Variants in MCPH1 observed in about 807,000 individuals in gnomAD.
The protein encoded by MCPH1 is microcephalin 1.
A neutral mutation model predicts 84.5 loss-of-function variants in MCPH1; 104 were observed. The ratio of observed to expected loss-of-function variants is 1.23; its 90% CI spans 1.05 to 1.45. The LOEUF is 1.45. MCPH1 is among the 40% of genes most tolerant of loss of function. The pLI, the probability that MCPH1 is intolerant of heterozygous loss-of-function variation, is 0.00. For synonymous variants in MCPH1, 514 were observed against 366.8 expected, an observed-to-expected ratio of 1.40 and a Z score of -4.58; for missense variants, 1,498 against 1,005.7, an observed-to-expected ratio of 1.49 and a Z score of -6.62.
chr8:6,419,388 T>G (rs1331627842), intron 3 of MCPH1, among the ~76,000 whole-genome samples: 1 of 14,678 alleles, frequency 6.8e-5, no homozygotes, highest in East Asian at 4.8e-3. Context: ...GCCCAGCCAT[T>G]AAAAAATTTT....
rs1818208709 is a variant in MCPH1 at position 6,525,751 on chromosome 8, T to G, written c.2214+25822T>G. On this transcript the variant is annotated intron_variant, in intron 12 of 13. Transcript: ENST00000344683. Reference sequence around the variant, plus strand: ...ATTTTCTTTTTTTATTATTTATAGCTGTTGATGAAAAAAACCTTTTTATTT... The same window carrying G: ...ATTTTCTTTTTTTATTATTTATAGCGGTTGATGAAAAAAACCTTTTTATTT... Among the ~76,000 whole-genome samples the G allele has an allele frequency of 1.3e-5, 2 of 152,342 alleles. 1 individual carries two copies. The highest frequency in any genetic ancestry group is 4.1e-4 in the South Asian group (2 of 4,822).
At chr8:6,554,774 G>A (rs1461212989) in intron 12 of MCPH1, among the ~76,000 whole-genome samples, 3 of 152,148 alleles carry the variant, frequency 2.0e-5, no homozygotes, top group Non-Finnish European at 1.5e-5. Context: ...AGAGTCCACA[G>A]GTTTCAATCA....
rs1338616276 is a variant in MCPH1 at position 6,644,211 on chromosome 8, A to T, written c.*1162A>T. 2 of 152,196 alleles carry T rather than the reference A, an allele frequency of 1.3e-5. No homozygotes were observed. Among genetic ancestry groups the T allele is most frequent in the Non-Finnish European group, 2.9e-5 (2 of 68,068 alleles). 9.4% of individuals were successfully genotyped at this position (152,196 alleles called of 1,614,324 possible). On this transcript the variant is annotated 3_prime_UTR_variant, in exon 14 of 14. Coordinates refer to ENST00000344683, the MANE Select transcript of MCPH1 (RefSeq NM_024596.5). ...GTTGCAGTGAGCCAAGGTTGCAGTG[A>T]ATCAAGATTGCTCCACTGCACTCCA...
chr8:6,503,532 C>T (rs528036235), intron 12 of MCPH1, among the ~76,000 whole-genome samples: 1 of 152,244 alleles, frequency 6.6e-6, no homozygotes, highest in East Asian at 1.9e-4. Context: ...TCTCCACAGT[C>T]CTATTTGGTA....
intron 9 of MCPH1, chr8:6,474,273 T>C (rs1808146906): frequency 7.4e-6 from 4 of 543,556 alleles, no homozygotes; most frequent in Non-Finnish European, 1.3e-5. Flanking sequence ...TTAATGTATT[T>C]CAATCCTGAT....
intron 9 of MCPH1, among the ~76,000 whole-genome samples, chr8:6,464,874 C>T (rs554594760): frequency 6.6e-6 from 1 of 152,134 alleles, no homozygotes; most frequent in African/African-American, 2.4e-5. Flanking sequence ...TGGTACACAC[C>T]TGTAGTCCCA....
intron 6 of MCPH1, among the ~76,000 whole-genome samples, chr8:6,439,362 T>C (rs1327078432): frequency 2.6e-5 from 2 of 75,808 alleles, no homozygotes; most frequent in Admixed American, 1.8e-4. Flanking sequence ...ATTTTTTCTT[T>C]CTTTTTTTTT....
chr8:6,617,214 G>T (rs1830881929), intron 12 of MCPH1: 1 of 142,700 alleles, frequency 7.0e-6, no homozygotes, highest in African/African-American at 2.7e-5. Flanking sequence ...TGAATACACT[G>T]TTGTTTATTT....
At chr8:6,546,424 A>G (rs1026287593) in intron 12 of MCPH1, among the ~76,000 whole-genome samples, 3 of 152,234 alleles carry the variant, frequency 2.0e-5, no homozygotes, top group African/African-American at 7.2e-5. Flanking sequence ...AGAGCGTAAA[A>G]TGCAGGTGGC....
intron 12 of MCPH1, among the ~76,000 whole-genome samples, chr8:6,541,206 C>T (rs1417059345): frequency 6.6e-6 from 1 of 152,182 alleles, no homozygotes; most frequent in African/African-American, 2.4e-5. Flanking sequence ...TGAGCAGCAC[C>T]AGAGGGTTTC....
chr8:6,550,024 G>A (rs1823344968), intron 12 of MCPH1, among the ~76,000 whole-genome samples: 1 of 152,222 alleles, frequency 6.6e-6, no homozygotes, highest in African/African-American at 2.4e-5. Context: ...GACGGGGGAC[G>A]TGCTGTGAAT....
Position 6,648,074 on chromosome 8 carries a change from G to A in MCPH1, c.*5025G>A, listed in dbSNP as rs1052700344. On this transcript the variant is annotated 3_prime_UTR_variant, in exon 14 of 14. Transcript: ENST00000344683. ...ACCTGCATCTGGTAGTTCATTTAAG[G>A]TCGGCCTTGGCTTTCAAGTTAAGGC... 6.6e-6 allele frequency: 1 copy of A among 152,184 alleles called. No homozygotes were observed. Among genetic ancestry groups the A allele is most frequent in the Non-Finnish European group, 1.5e-5 (1 of 68,048 alleles). 9.4% of individuals were successfully genotyped at this position (152,184 alleles called of 1,614,324 possible).
At chr8:6,414,004 C>A (rs1374370222) in intron 2 of MCPH1, among the ~76,000 whole-genome samples, 1 of 152,176 alleles carries the variant, frequency 6.6e-6, no homozygotes, top group East Asian at 1.9e-4. Flanking sequence ...CCACCTGCCT[C>A]GGCCTCCCAA....
rs1203623852 is a variant in MCPH1 at position 6,645,660 on chromosome 8, T to C, written c.*2611T>C. ...AGAACTTATAACAAGTTTAGCAAGA[T>C]TGCAATATACAATCTTGCAATCTTC... On this transcript the variant is annotated 3_prime_UTR_variant, in exon 14 of 14. Transcript: ENST00000344683. 2 of 140,962 alleles carry C rather than the reference T, an allele frequency of 1.4e-5. No homozygotes were observed. Among genetic ancestry groups the C allele is most frequent in the African/African-American group, 5.4e-5 (2 of 37,014 alleles). The allele number at this position is 140,962 out of a possible 1,614,324, so 8.7% of individuals were successfully genotyped here. A position where few individuals can be genotyped will look rare whatever the true frequency, so the allele number is the denominator to read the frequency against.
At chr8:6,605,841 GTGTTT>G (rs1829730293) in intron 12 of MCPH1, among the ~76,000 whole-genome samples, 1 of 152,112 alleles carries the variant, frequency 6.6e-6, no homozygotes, top group South Asian at 2.1e-4. Context: ...GGGATTACAG[GTGTTT>G]GCCACCATGC....
chr8:6,575,798 G>C (rs1335585464), intron 12 of MCPH1, among the ~76,000 whole-genome samples: 1 of 152,128 alleles, frequency 6.6e-6, no homozygotes, highest in East Asian at 1.9e-4. Context: ...AACGCCTCGT[G>C]ACAACGCAGG....
chr8:6,519,841 G>T (rs1816971877), intron 12 of MCPH1: 1 of 1,612,016 alleles, frequency 6.2e-7, no homozygotes, highest in Admixed American at 1.7e-5. Flanking sequence ...CAGGGAGTTA[G>T]TAAGGGGAGA....
At chr8:6,579,299 C>T (rs1027070730) in intron 12 of MCPH1, among the ~76,000 whole-genome samples, 2 of 152,188 alleles carry the variant, frequency 1.3e-5, no homozygotes, top group Non-Finnish European at 2.9e-5. Flanking sequence ...TTTCCCGGTC[C>T]CCTTCTCCTC....
chr8:6,617,304 G>A (rs1475718927), intron 12 of MCPH1: 1 of 145,640 alleles, frequency 6.9e-6, no homozygotes, highest in East Asian at 2.1e-4. Context: ...TTTTGAGGTG[G>A]AATCTCGTTC....
Sources: allele counts gnomAD v4.1 joint callset (sites outside exome capture counted in the v4.1 genomes callset), GRCh38; gene constraint gnomAD v4.1.1; transcripts MANE v1.5; gene names NCBI Gene and HGNC (gene_info 2026-07-23, HGNC 2026-07-21).